OSBPL11: variants seen among roughly 807,000 people sequenced by gnomAD.
OSBPL11 encodes the protein oxysterol-binding protein-related protein 11.
OSBPL11 carries 33 observed loss-of-function variants against 84.4 expected under a neutral mutation model. The observed-to-expected ratio is 0.39, with a 90% CI of 0.30 to 0.52. The LOEUF is 0.52. Ranked by LOEUF, OSBPL11 falls within the 20% of genes least tolerant of loss-of-function variation. OSBPL11 has a pLI of 0.72. For synonymous variants in OSBPL11, 276 were observed against 310.2 expected, an observed-to-expected ratio of 0.89 and a Z score of 1.16; for missense variants, 736 against 901.1, an observed-to-expected ratio of 0.82 and a Z score of 2.35.
chr3:125,550,030 C>T lies in OSBPL11; in HGVS notation c.1654+2151G>A, dbSNP rs143749184. On this transcript the variant is annotated intron_variant, in intron 9 of 12. Coordinates refer to ENST00000296220, the MANE Select transcript of OSBPL11 (RefSeq NM_022776.5). ...TATGAAGTGCTTAAGGCTAACGTGA[C>T]GGAGCTTATGATGGAGGGTAGCAAA... 1.7e-3 allele frequency among the ~76,000 whole-genome samples: 253 copies of T among 152,058 alleles called. 1 individual carries two copies. The highest frequency in any genetic ancestry group is 5.6e-3 in the African/African-American group (231 of 41,456).
intron 10 of OSBPL11, among the ~76,000 whole-genome samples, chr3:125,539,870 A>G (rs1000574408): frequency 6.6e-6 from 1 of 152,228 alleles, no homozygotes; most frequent in African/African-American, 2.4e-5. Context: ...TAATCAGTGT[A>G]CAAGAGAATA....
At chr3:125,548,138 CA>C (rs1279571841) in intron 9 of OSBPL11, among the ~76,000 whole-genome samples, 2 of 152,160 alleles carry the variant, frequency 1.3e-5, no homozygotes, top group Non-Finnish European at 2.9e-5. Context: ...TTCGGCCTCC[CA>C]AAACGCTGGG....
At chr3:125,550,818 A>G (rs762711345) in intron 9 of OSBPL11, among the ~76,000 whole-genome samples, 2 of 152,200 alleles carry the variant, frequency 1.3e-5, no homozygotes, top group Non-Finnish European at 2.9e-5. Context: ...AACTTTTATC[A>G]GCATATATTT....
intron 10 of OSBPL11, among the ~76,000 whole-genome samples, chr3:125,544,905 A>G (rs1288865186): frequency 6.6e-6 from 1 of 152,262 alleles, no homozygotes; most frequent in African/African-American, 2.4e-5. Context: ...TAAATCTTAC[A>G]TTCTTGTCCC....
chr3:125,583,676 A>C (rs1936462396), intron 1 of OSBPL11, among the ~76,000 whole-genome samples: 1 of 151,246 alleles, frequency 6.6e-6, no homozygotes, highest in African/African-American at 2.4e-5. Flanking sequence ...GGATCACTTG[A>C]GCCCAGGAGT....
chr3:125,573,872 CAAAA>C (rs35902125), intron 5 of OSBPL11, among the ~76,000 whole-genome samples: 58 of 43,518 alleles, frequency 1.3e-3, no homozygotes, highest in South Asian at 6.4e-3. Flanking sequence ...AACTCCGTCT[CAAAA>C]AAAAAAAAAA....
At chr3:125,587,281 G>A (rs1225670759) in intron 1 of OSBPL11, among the ~76,000 whole-genome samples, 2 of 152,184 alleles carry the variant, frequency 1.3e-5, no homozygotes, top group South Asian at 2.1e-4. Flanking sequence ...TGGAACAACT[G>A]GGTGGATAAC....
intron 1 of OSBPL11, among the ~76,000 whole-genome samples, chr3:125,583,853 C>T (rs573154418): frequency 6.6e-5 from 10 of 152,250 alleles, no homozygotes; most frequent in Admixed American, 5.2e-4. Context: ...CGGCCCAGGT[C>T]GCAATCAAGT....
chr3:125,534,280 G>A (rs1167280556), intron 11 of OSBPL11, among the ~76,000 whole-genome samples: 4 of 152,026 alleles, frequency 2.6e-5, no homozygotes, highest in Admixed American at 6.6e-5. Flanking sequence ...CTACTCGGGA[G>A]GCTGAGGCAT....
At chr3:125,579,342 T>C (rs1427946997) in intron 3 of OSBPL11, among the ~76,000 whole-genome samples, 1 of 152,216 alleles carries the variant, frequency 6.6e-6, no homozygotes, top group Non-Finnish European at 1.5e-5. Context: ...CCTTAATTAT[T>C]TGATGTATAA....
At chr3:125,557,775 T>G (rs1287882551) in intron 8 of OSBPL11, among the ~76,000 whole-genome samples, 1 of 150,674 alleles carries the variant, frequency 6.6e-6, no homozygotes. Flanking sequence ...AATATATGTG[T>G]AACACATACA....
intron 12 of OSBPL11, among the ~76,000 whole-genome samples, chr3:125,531,628 CACTT>C (rs1457153987): frequency 5.3e-5 from 8 of 152,030 alleles, no homozygotes; most frequent in African/African-American, 1.9e-4. Context: ...TAGATGTTCT[CACTT>C]AGAAACTCTT....
chr3:125,530,485 C>T lies in OSBPL11; in HGVS notation c.*30G>A, dbSNP rs770028845. Reference sequence around the variant, plus strand: ...GGATTTAGGGTAAACAGAGAAGAACCTCATTTGGTCGAGTTTTAGATAGTA... The same window carrying T: ...GGATTTAGGGTAAACAGAGAAGAACTTCATTTGGTCGAGTTTTAGATAGTA... On this transcript the variant is annotated 3_prime_UTR_variant, in exon 13 of 13. Coordinates refer to ENST00000296220, the MANE Select transcript of OSBPL11 (RefSeq NM_022776.5). The T allele has an allele frequency of 1.9e-6, 3 of 1,593,004 alleles. No homozygotes were observed. The highest frequency in any genetic ancestry group is 1.3e-5 in the African/African-American group (1 of 74,528).
chr3:125,587,430 A>G (rs754545), intron 1 of OSBPL11, among the ~76,000 whole-genome samples: 1,628 of 152,330 alleles, frequency 0.011, 37 homozygotes, highest in African/African-American at 0.037. Flanking sequence ...AGTCATCAGC[A>G]TATAAGCATA....
chr3:125,546,473 C>T (rs546751851), intron 10 of OSBPL11, among the ~76,000 whole-genome samples: 2 of 152,268 alleles, frequency 1.3e-5, no homozygotes, highest in East Asian at 1.9e-4. Flanking sequence ...GCTGGGATTA[C>T]AGGCATGCGC....
intron 6 of OSBPL11, among the ~76,000 whole-genome samples, chr3:125,565,493 T>G (rs1206475426): frequency 5.9e-5 from 9 of 152,032 alleles, no homozygotes; most frequent in Non-Finnish European, 1.0e-4. Context: ...TTGGAAAACA[T>G]TTTTGATGTA....
chr3:125,555,903 A>C (rs2922186), intron 8 of OSBPL11, among the ~76,000 whole-genome samples: 3 of 151,820 alleles, frequency 2.0e-5, no homozygotes, highest in Non-Finnish European at 2.9e-5. Flanking sequence ...GGCTGGTCTC[A>C]AACTCCTGGC....
intron 10 of OSBPL11, among the ~76,000 whole-genome samples, chr3:125,544,449 C>A (rs1935781356): frequency 6.6e-6 from 1 of 152,038 alleles, no homozygotes; most frequent in African/African-American, 2.4e-5. Context: ...GTTAAATATT[C>A]AAAAATAAGA....
intron 1 of OSBPL11, among the ~76,000 whole-genome samples, chr3:125,588,057 A>G (rs2107613350): frequency 6.6e-6 from 1 of 152,186 alleles, no homozygotes. Context: ...CCCTATCTCT[A>G]CTAAAAATAC....
Sources: gnomAD v4.1 joint callset for allele counts (sites outside exome capture counted in the v4.1 genomes callset) on GRCh38, gnomAD v4.1.1 for gene constraint, MANE v1.5 for transcripts, NCBI Gene and HGNC (gene_info 2026-07-23, HGNC 2026-07-21) for gene names.